Variants in GCKR observed in about 807,000 individuals in gnomAD.
The protein encoded by GCKR is glucokinase regulatory protein.
A neutral mutation model predicts 82.9 loss-of-function variants in GCKR; 73 were observed. That is an observed-to-expected ratio of 0.88 (90% CI 0.73 to 1.07). The LOEUF (loss-of-function observed/expected upper bound fraction) is 1.07. Among genes scored for constraint, GCKR ranks in the 50% least tolerant of loss-of-function variants. The pLI, the probability that GCKR is intolerant of heterozygous loss-of-function variation, is 0.00. For missense variants in GCKR, 784 were observed against 782.1 expected (o/e 1.00, Z -0.03); for synonymous variants, 294 against 291.8 (o/e 1.01, Z -0.08).
chr2:27,510,194 A>G (rs1669849128), intron 16 of GCKR, among the ~76,000 whole-genome samples: 1 of 151,960 alleles, frequency 6.6e-6, no homozygotes, highest in African/African-American at 2.4e-5. Context: ...ATTTTTTAGT[A>G]GAGACGGGGT....
At chr2:27,518,750 T>C in intron 16 of GCKR, 38 bp from the exon 17 acceptor site, 1 of 1,581,686 alleles carries the variant, frequency 6.3e-7, no homozygotes, top group African/African-American at 1.3e-5. Context: ...TTTTCTGTCC[T>C]CTAATTTTTG....
chr2:27,520,684 T>C (rs1259594709), intron 17 of GCKR, among the ~76,000 whole-genome samples: 1 of 152,210 alleles, frequency 6.6e-6, no homozygotes, highest in East Asian at 1.9e-4. Flanking sequence ...TAAATGTAAC[T>C]TTAATATTTT....
rs201731254 is a variant in GCKR at position 27,507,684 on chromosome 2, C to A, written c.1147C>A (p.Pro383Thr). Residue 383 changes from proline to threonine, a missense_variant, in exon 14 of 19, where the codon CCC becomes ACC. Transcript: ENST00000264717. Reference protein sequence around the residue: ...NQKAELTNQGPQFTFSQEDFL... With the variant: ...NQKAELTNQGTQFTFSQEDFL... ...CTCCCATCTTCTTCTGCCCCAGGGT[C>A]CCCAGTTCACCTTCTCCCAGGAGGA... The A allele has an allele frequency of 2.0e-4, 319 of 1,579,446 alleles. No homozygotes were observed. Among genetic ancestry groups the A allele is most frequent in the Non-Finnish European group, 2.7e-4 (307 of 1,149,146 alleles).
Position 27,523,176 on chromosome 2 carries a change from G to A in GCKR, c.1708-93G>A, listed in dbSNP as rs1316032632. ...GGCCTCCCAAAGTGCTGGGATTACA[G>A]GCGTGAGCCACTGCGCCCGACCTTC... is the stretch of plus-strand genomic sequence containing the variant. On this transcript the variant is annotated intron_variant, in intron 18 of 18. Transcript: ENST00000264717. 7.8e-6 allele frequency: 8 copies of A among 1,030,466 alleles called. No individual in the cohort carries two copies. The South Asian group carries it at 1.1e-4, about 14-fold the overall frequency. 63.8% of individuals were successfully genotyped at this position (1,030,466 alleles called of 1,614,324 possible).
intron 9 of GCKR, among the ~76,000 whole-genome samples, chr2:27,504,358 C>CTT (rs72281151): frequency 2.8e-5 from 4 of 141,592 alleles, no homozygotes; most frequent in Admixed American, 7.1e-5. Flanking sequence ...TCAGTCACTA[C>CTT]TTTTTTTTTT....
chr2:27,505,684 T>A, intron 9 of GCKR, 34 bp from the exon 10 acceptor site: 1 of 1,173,624 alleles, frequency 8.5e-7, no homozygotes, highest in East Asian at 2.3e-5. Context: ...CTTCATCCTC[T>A]CCCAATTCCT....
chr2:27,522,673 G>C, intron 18 of GCKR, 79 bp downstream of exon 18: 1 of 1,244,366 alleles, frequency 8.0e-7, no homozygotes, highest in Non-Finnish European at 1.2e-6. Flanking sequence ...TCGGCACTGG[G>C]TTTACAAAGC....
chr2:27,499,268 T>A, intron 6 of GCKR, 60 bp downstream of exon 6: 1 of 1,397,294 alleles, frequency 7.2e-7, no homozygotes, highest in Non-Finnish European at 1.0e-6. Context: ...CATGGGGACA[T>A]AAAAGCCCCA....
At chr2:27,503,896 C>T (rs1669644102) in intron 9 of GCKR, among the ~76,000 whole-genome samples, 2 of 152,224 alleles carry the variant, frequency 1.3e-5, no homozygotes, top group Non-Finnish European at 2.9e-5. Context: ...TCTTTGCCAT[C>T]TATGTATAGA....
chr2:27,502,803 A>G (rs1669617289), intron 8 of GCKR, among the ~76,000 whole-genome samples: 1 of 152,220 alleles, frequency 6.6e-6, no homozygotes, highest in Non-Finnish European at 1.5e-5. Context: ...GGTGCCATGT[A>G]CAGAAGTAAC....
At chr2:27,519,302 CATT>C (rs1558443050) in intron 17 of GCKR, among the ~76,000 whole-genome samples, 2 of 151,806 alleles carry the variant, frequency 1.3e-5, no homozygotes, top group Non-Finnish European at 2.9e-5. Context: ...GTGTTGCTCT[CATT>C]CTTTTTTTTT....
At chr2:27,510,472 T>G (rs1572868808) in intron 16 of GCKR, among the ~76,000 whole-genome samples, 1 of 152,214 alleles carries the variant, frequency 6.6e-6, no homozygotes, top group East Asian at 1.9e-4. Flanking sequence ...TTTGACTTGT[T>G]TCACCAGGAT....
chr2:27,503,375 T>TA, intron 8 of GCKR, 139 bp from the exon 9 acceptor site: 1 of 703,874 alleles, frequency 1.4e-6, no homozygotes, highest in South Asian at 1.5e-5. Flanking sequence ...CCTCTAAAAG[T>TA]TCCAAAGCAT....
At chr2:27,498,141 G>T in intron 3 of GCKR, 114 bp from the exon 4 acceptor site, 2 of 812,156 alleles carry the variant, frequency 2.5e-6, no homozygotes, top group South Asian at 3.0e-5. Context: ...ATTTTGTGAT[G>T]AGAGGAGGGA....
At chr2:27,515,359 T>C (rs1053973363) in intron 16 of GCKR, among the ~76,000 whole-genome samples, 2 of 152,168 alleles carry the variant, frequency 1.3e-5, no homozygotes, top group Non-Finnish European at 2.9e-5. Context: ...CACTGCAGCC[T>C]CAACTTCCTG....
At chr2:27,498,857 A>G (rs1669493520) in intron 5 of GCKR, 60 bp downstream of exon 5, 2 of 978,954 alleles carry the variant, frequency 2.0e-6, no homozygotes, top group Non-Finnish European at 3.3e-6. Flanking sequence ...TTAGAAATTG[A>G]GTTGGAATAC....
intron 16 of GCKR, chr2:27,509,776 A>AG (rs761668111): frequency 5.4e-5 from 1 of 18,490 alleles, no homozygotes; most frequent in African/African-American, 2.6e-4. Flanking sequence ...TACCATCTTC[A>AG]AAAAAAAAAA....
rs1269601857 is a variant in GCKR at position 27,522,509 on chromosome 2, C to G, written c.1622C>G (p.Ala541Gly). 6.2e-7 allele frequency: 1 copy of G among 1,613,256 alleles called. No individual in the cohort carries two copies. Among genetic ancestry groups the G allele is most frequent in the Admixed American group, 1.7e-5 (1 of 60,006 alleles). Residue 541 changes from alanine to glycine, a missense_variant, in exon 18 of 19, where the codon GCG becomes GGG. By Grantham distance (60) the Ala-to-Gly change is moderately conservative (BLOSUM62 0). Coordinates refer to ENST00000264717, the MANE Select transcript of GCKR (RefSeq NM_001486.4). ...KARCIESLLR[A>G]IHFPQPLSDD... Reference sequence around the variant, plus strand: ...CGATGCATCGAGAGCCTCCTCCGAGCGATCCACTTTCCCCAGCCACTGTCA... The same window carrying G: ...CGATGCATCGAGAGCCTCCTCCGAGGGATCCACTTTCCCCAGCCACTGTCA...
intron 4 of GCKR, 122 bp from the exon 5 acceptor site, chr2:27,498,602 G>A (rs927792126): frequency 8.1e-6 from 6 of 740,534 alleles, no homozygotes; most frequent in African/African-American, 1.7e-5. Flanking sequence ...TTCCATGTAG[G>A]ACTGGGTTAA....
Sources: gnomAD v4.1 joint callset for allele counts (sites outside exome capture counted in the v4.1 genomes callset) on GRCh38, gnomAD v4.1.1 for gene constraint, MANE v1.5 for transcripts, NCBI Gene and HGNC (gene_info 2026-07-23, HGNC 2026-07-21) for gene names.